The following JARID2 variants were observed in gnomAD, a reference collection of about 807,000 sequenced individuals.
JARID2 encodes the protein jumonji and AT-rich interaction domain containing 2, also known as protein Jumonji.
Under a neutral mutation model 125.6 loss-of-function variants are expected in JARID2, and 21 were observed. The ratio of observed to expected loss-of-function variants is 0.17; its 90% CI spans 0.12 to 0.24. The LOEUF (loss-of-function observed/expected upper bound fraction) is 0.24, where lower values mean the gene tolerates loss of function less well. Among genes scored for constraint, JARID2 ranks in the 10% least tolerant of loss-of-function variants. The pLI, the probability that JARID2 is intolerant of heterozygous loss-of-function variation, is 1.00. For missense variants in JARID2, 1,303 were observed against 1,639.6 expected (o/e 0.79, Z 3.55); for synonymous variants, 736 against 661.6 (o/e 1.11, Z -1.73).
Position 15,507,216 on chromosome 6 carries a change from C to T in JARID2, c.2622C>T (p.Gly874=). 3 of 1,613,860 alleles carry T rather than the reference C, an allele frequency of 1.9e-6. No individual in the cohort carries two copies. The highest frequency in any genetic ancestry group is 2.5e-6 in the Non-Finnish European group (3 of 1,179,738). ...HCGKVDTNTH[G]SGFPVGKSEP... is the part of the protein sequence containing the mutation. ...GCAAGGTGGACACCAACACTCACGG[C>T]AGTGGATTCCCAGTAGGAAAATCAG... The change falls in exon 10 of 18, where the codon GGC becomes GGT. Residue 874 remains glycine (G), a synonymous_variant. Coordinates refer to ENST00000341776, the MANE Select transcript of JARID2 (RefSeq NM_004973.4).
intron 1 of JARID2, among the ~76,000 whole-genome samples, chr6:15,277,481 A>C (rs934672335): frequency 3.3e-5 from 5 of 152,142 alleles, no homozygotes; most frequent in Non-Finnish European, 7.4e-5. Flanking sequence ...AGTTATACAG[A>C]TGAGAGATTT....
rs7754848 is a variant in JARID2 at position 15,426,303 on chromosome 6, C to T, written c.323+15938C>T. Among the ~76,000 whole-genome samples the T allele has an allele frequency of 6.6e-3, 998 of 152,214 alleles. 15 individuals are homozygous for T. Among genetic ancestry groups the T allele is most frequent in the African/African-American group, 0.021 (890 of 41,512 alleles). On this transcript the variant is annotated intron_variant, in intron 3 of 17. Transcript: ENST00000341776. Reference sequence around the variant, plus strand: ...GTGTGCTTCAGGGCATTCTCTTTACCGATGGACTTCACAAGCTGGCTGAGA... The same window carrying T: ...GTGTGCTTCAGGGCATTCTCTTTACTGATGGACTTCACAAGCTGGCTGAGA...
Position 15,513,369 on chromosome 6 carries a change from G to C in JARID2, c.3397G>C (p.Glu1133Gln), listed in dbSNP as rs1317315542. 6.2e-7 allele frequency: 1 copy of C among 1,613,166 alleles called. No homozygotes were observed. The highest frequency in any genetic ancestry group is 8.5e-7 in the Non-Finnish European group (1 of 1,179,710). Residue 1133 changes from glutamate to glutamine, a missense_variant, in exon 16 of 18, where the codon GAG becomes CAG. Transcript: ENST00000341776. ...AAAGCCTCGAAAGTGGCTGCAGTTG[G>C]AGACGTCAGAGAGGAGGTGTCAGAT... is the stretch of plus-strand genomic sequence containing the variant. ...KKKPRKWLQL[E>Q]TSERRCQICQ...
In JARID2 at chr6:15,520,847, G is replaced by A. The variant is rs745552443; in HGVS notation, c.*596G>A. On this transcript the variant is annotated 3_prime_UTR_variant, in exon 18 of 18. Coordinates refer to ENST00000341776, the MANE Select transcript of JARID2 (RefSeq NM_004973.4). ...AGGCGGACGTTGTTTCCTAACCATA[G>A]GTGGAACGAGGAGACGGGAGCGAGT... 17 of 455,704 alleles carry A rather than the reference G, an allele frequency of 3.7e-5. No homozygotes were observed. Among genetic ancestry groups the A allele is most frequent in the Non-Finnish European group, 6.6e-5 (15 of 226,740 alleles). 28.2% of individuals were successfully genotyped at this position (455,704 alleles called of 1,614,324 possible). A position where few individuals can be genotyped will look rare whatever the true frequency, so the allele number is the denominator to read the frequency against.
chr6:15,247,951 G>A (rs1201873804), intron 1 of JARID2: 5 of 985,372 alleles, frequency 5.1e-6, no homozygotes, highest in Non-Finnish European at 6.0e-6. Flanking sequence ...ACGCCTTCCC[G>A]GGGCACGTCC....
chr6:15,299,455 T>G (rs1336983012), intron 1 of JARID2, among the ~76,000 whole-genome samples: 1 of 152,200 alleles, frequency 6.6e-6, no homozygotes, highest in Non-Finnish European at 1.5e-5. Flanking sequence ...GAGTCCCAGC[T>G]TTTCATCAGG....
intron 1 of JARID2, among the ~76,000 whole-genome samples, chr6:15,300,412 C>T (rs2127409447): frequency 6.6e-6 from 1 of 152,294 alleles, no homozygotes; most frequent in South Asian, 2.1e-4. Context: ...ATTTAAGCTG[C>T]ATTCCATGTA....
rs528070326 is a variant in JARID2 at position 15,451,941 on chromosome 6, C to T, written c.324-65C>T. The T allele has an allele frequency of 1.1e-3, 1,541 of 1,465,974 alleles. 3 individuals are homozygous for T. The highest frequency in any genetic ancestry group is 1.3e-3 in the Non-Finnish European group (1,362 of 1,086,662). The allele number at this position is 1,465,974 out of a possible 1,614,324, so 90.8% of individuals were successfully genotyped here. A position where few individuals can be genotyped will look rare whatever the true frequency, so the allele number is the denominator to read the frequency against. On this transcript the variant is annotated intron_variant, in intron 3 of 17. Transcript: ENST00000341776. ...CCCTTATGTGTCATGATTTTATTGC[C>T]GCACGTAGGCCTATATCCTCCAGTC...
chr6:15,309,146 C>A (rs908257070), intron 1 of JARID2, among the ~76,000 whole-genome samples: 10 of 152,158 alleles, frequency 6.6e-5, no homozygotes, highest in Non-Finnish European at 1.5e-4. Context: ...TCATTTCTTT[C>A]ATTGTGTTCC....
At chr6:15,287,246 G>C (rs1040190312) in intron 1 of JARID2, among the ~76,000 whole-genome samples, 4 of 152,188 alleles carry the variant, frequency 2.6e-5, no homozygotes, top group African/African-American at 9.7e-5. Context: ...CGGGTGAAAT[G>C]TGTGACCCCT....
intron 1 of JARID2, among the ~76,000 whole-genome samples, chr6:15,361,538 C>T (rs541929280): frequency 2.0e-5 from 3 of 152,268 alleles, no homozygotes; most frequent in Non-Finnish European, 2.9e-5. Context: ...TAGGAAGAAT[C>T]GTAACTTTGC....
At chr6:15,495,471 C>T (rs564402697) in intron 6 of JARID2, among the ~76,000 whole-genome samples, 5 of 152,304 alleles carry the variant, frequency 3.3e-5, no homozygotes, top group Non-Finnish European at 4.4e-5. Flanking sequence ...GTCCAGGGCT[C>T]GTCTCCACAA....
chr6:15,460,872 T>C (rs1159385725), intron 4 of JARID2, among the ~76,000 whole-genome samples: 3 of 152,124 alleles, frequency 2.0e-5, no homozygotes, highest in Admixed American at 1.3e-4. Flanking sequence ...ACCCAGCTAA[T>C]TTTTGTATTT....
chr6:15,298,688 A>G (rs1332957321), intron 1 of JARID2, among the ~76,000 whole-genome samples: 2 of 151,796 alleles, frequency 1.3e-5, no homozygotes, highest in African/African-American at 2.4e-5. Flanking sequence ...TCAAAAAAAA[A>G]AAAAAAGAAA....
intron 2 of JARID2, among the ~76,000 whole-genome samples, chr6:15,404,886 T>G (rs930203091): frequency 6.6e-6 from 1 of 152,232 alleles, no homozygotes; most frequent in African/African-American, 2.4e-5. Flanking sequence ...CCTTTAGTTT[T>G]CTATTGTCAT....
intron 4 of JARID2, among the ~76,000 whole-genome samples, chr6:15,456,333 C>A (rs1768175406): frequency 6.6e-6 from 1 of 152,102 alleles, no homozygotes; most frequent in Non-Finnish European, 1.5e-5. Context: ...ATCATCTTTT[C>A]ATAGATAAAA....
chr6:15,438,292 G>T (rs780705963), intron 3 of JARID2, among the ~76,000 whole-genome samples: 1 of 152,100 alleles, frequency 6.6e-6, no homozygotes, highest in African/African-American at 2.4e-5. Context: ...TGAGGCTGGC[G>T]GAATCGGAAA....
At chr6:15,300,921 C>T (rs1323895277) in intron 1 of JARID2, among the ~76,000 whole-genome samples, 1 of 152,002 alleles carries the variant, frequency 6.6e-6, no homozygotes, top group Non-Finnish European at 1.5e-5. Context: ...GTTAAGGTTA[C>T]CCACACTCTA....
chr6:15,486,308 T>C (rs1398112389), intron 5 of JARID2, among the ~76,000 whole-genome samples: 5 of 152,232 alleles, frequency 3.3e-5, no homozygotes, highest in Non-Finnish European at 5.9e-5. Context: ...ACCCATAACG[T>C]TGGTGTTTCT....
Sources: gnomAD v4.1 joint callset for allele counts (sites outside exome capture counted in the v4.1 genomes callset) on GRCh38, gnomAD v4.1.1 for gene constraint, MANE v1.5 for transcripts, NCBI Gene and HGNC (gene_info 2026-07-23, HGNC 2026-07-21) for gene names.